The following NCALD variants were observed in gnomAD, a reference collection of about 807,000 sequenced individuals.
The protein encoded by NCALD is neurocalcin delta.
A neutral mutation model predicts 18.6 loss-of-function variants in NCALD; 10 were observed. That is an observed-to-expected ratio of 0.54 (90% confidence interval 0.33 to 0.91). The LOEUF (loss-of-function observed/expected upper bound fraction) is 0.91, where lower values mean the gene tolerates loss of function less well. Among genes scored for constraint, NCALD ranks in the 40% least tolerant of loss-of-function variants. NCALD has a pLI of 0.03. For synonymous variants in NCALD, 88 were observed against 87.4 expected (o/e 1.01, Z -0.04); for missense variants, 184 against 247.6 (o/e 0.74, Z 1.72).
At chr8:101,796,704 A>G (rs1479737725) in intron 4 of NCALD, among the ~76,000 whole-genome samples, 1 of 152,228 alleles carries the variant, frequency 6.6e-6, no homozygotes, top group Non-Finnish European at 1.5e-5. Flanking sequence ...GCTAATGTGA[A>G]TTTGAAAGAT....
chr8:102,112,225 A>G (rs1825662474), intron 1 of NCALD, among the ~76,000 whole-genome samples: 1 of 152,160 alleles, frequency 6.6e-6, no homozygotes, highest in South Asian at 2.1e-4. Context: ...TTCTCCTTGC[A>G]TGTGTTATTC....
chr8:101,824,997 G>A (rs998380207), intron 4 of NCALD, among the ~76,000 whole-genome samples: 5 of 152,158 alleles, frequency 3.3e-5, no homozygotes, highest in Non-Finnish European at 7.4e-5. Flanking sequence ...CAATTATATA[G>A]GCATCATTTT....
chr8:101,863,934 C>T (rs920689150), intron 4 of NCALD, among the ~76,000 whole-genome samples: 1 of 152,072 alleles, frequency 6.6e-6, no homozygotes, highest in African/African-American at 2.4e-5. Context: ...GCTTTGCATC[C>T]CTGAGCAACG....
intron 2 of NCALD, among the ~76,000 whole-genome samples, chr8:101,700,515 C>A (rs1206692434): frequency 1.3e-5 from 2 of 152,094 alleles, no homozygotes; most frequent in African/African-American, 2.4e-5. Context: ...CCTAGGCTAC[C>A]TCTGGGTCCC....
intron 4 of NCALD, among the ~76,000 whole-genome samples, chr8:101,828,360 C>G (rs1249453983): frequency 6.6e-6 from 1 of 152,152 alleles, no homozygotes; most frequent in Non-Finnish European, 1.5e-5. Flanking sequence ...CTCCCCGTCA[C>G]TCATTCACCT....
At chr8:101,712,594 A>AC (rs1382453504) in intron 2 of NCALD, among the ~76,000 whole-genome samples, 1 of 90,858 alleles carries the variant, frequency 1.1e-5, no homozygotes, top group Non-Finnish European at 2.4e-5. Flanking sequence ...AAGCAAAAAA[A>AC]AAAAAAAAAA....
intron 1 of NCALD, among the ~76,000 whole-genome samples, chr8:102,032,684 G>GCAAT (rs1288017274): frequency 4.0e-5 from 6 of 150,894 alleles, no homozygotes; most frequent in Non-Finnish European, 8.8e-5. Flanking sequence ...CTTAGAAGGG[G>GCAAT]CAATGAGTGG....
At chr8:102,056,401 C>T (rs918354965) in intron 1 of NCALD, among the ~76,000 whole-genome samples, 48 of 152,156 alleles carry the variant, frequency 3.2e-4, no homozygotes, top group Non-Finnish European at 4.9e-4. Context: ...TGCAAAATGG[C>T]GATAATATAT....
At chr8:102,072,551 G>A (rs537521688) in intron 1 of NCALD, among the ~76,000 whole-genome samples, 33 of 152,128 alleles carry the variant, frequency 2.2e-4, no homozygotes, top group South Asian at 1.9e-3. Flanking sequence ...TGGGCCCTCC[G>A]CTACTTAGAG....
intron 3 of NCALD, among the ~76,000 whole-genome samples, chr8:101,901,457 G>A (rs920657234): frequency 4.0e-5 from 6 of 151,820 alleles, no homozygotes; most frequent in African/African-American, 1.4e-4. Context: ...TAGACTTATT[G>A]TGGGTATTTA....
intron 3 of NCALD, chr8:101,691,324 AG>A: frequency 1.0e-6 from 1 of 985,414 alleles, no homozygotes; most frequent in Non-Finnish European, 1.2e-6. Flanking sequence ...GGAAAGGCAC[AG>A]GTCTTTAGCA....
At chr8:101,712,905 A>C (rs959370000) in intron 2 of NCALD, among the ~76,000 whole-genome samples, 3 of 152,214 alleles carry the variant, frequency 2.0e-5, no homozygotes, top group African/African-American at 7.2e-5. Flanking sequence ...TCAGGACTTG[A>C]ACTCAGCTCT....
intron 2 of NCALD, among the ~76,000 whole-genome samples, chr8:102,009,759 T>C (rs1395580274): frequency 1.3e-5 from 2 of 152,236 alleles, no homozygotes; most frequent in African/African-American, 4.8e-5. Flanking sequence ...GAGAAATCGA[T>C]GAGCTTCTAA....
At chr8:101,796,212 A>C (rs1460661973) in intron 4 of NCALD, among the ~76,000 whole-genome samples, 1 of 152,184 alleles carries the variant, frequency 6.6e-6, no homozygotes, top group Non-Finnish European at 1.5e-5. Flanking sequence ...CCCCTTTCTG[A>C]CTACCTTCCA....
exon 2 of NCALD, chr8:102,020,270 T>C (rs1187008002): frequency 1.3e-5 from 2 of 151,122 alleles, no homozygotes; most frequent in African/African-American, 4.9e-5. Context: ...CACTGCAGGC[T>C]CAAGTCAGAA....
chr8:101,904,150 A>C (rs1387179541), intron 3 of NCALD, among the ~76,000 whole-genome samples: 1 of 152,126 alleles, frequency 6.6e-6, no homozygotes, highest in East Asian at 1.9e-4. Flanking sequence ...CTGTGAATCG[A>C]TAGGGATCTC....
intron 2 of NCALD, among the ~76,000 whole-genome samples, chr8:101,934,569 G>A (rs183285352): frequency 6.6e-6 from 1 of 152,150 alleles, no homozygotes; most frequent in Non-Finnish European, 1.5e-5. Context: ...GAATCTAAGA[G>A]TCGGGAGCTT....
intron 2 of NCALD, among the ~76,000 whole-genome samples, chr8:102,005,528 T>C (rs914331230): frequency 1.2e-4 from 18 of 152,208 alleles, no homozygotes; most frequent in Non-Finnish European, 2.5e-4. Flanking sequence ...CATTACTGGG[T>C]ATATACCCAA....
chr8:101,704,853 A>G (rs746114168), intron 2 of NCALD, among the ~76,000 whole-genome samples: 15 of 151,004 alleles, frequency 9.9e-5, no homozygotes, highest in Admixed American at 8.6e-4. Flanking sequence ...CAGGAGGCAG[A>G]GGTTGCAGTA....
Sources: gnomAD v4.1 joint callset for allele counts (sites outside exome capture counted in the v4.1 genomes callset) on GRCh38, gnomAD v4.1.1 for gene constraint, MANE v1.5 for transcripts, NCBI Gene and HGNC (gene_info 2026-07-23, HGNC 2026-07-21) for gene names.